Variants in TRIM2 observed in about 807,000 individuals in gnomAD.
TRIM2 encodes tripartite motif containing 2.
TRIM2 carries 20 observed loss-of-function variants against 75.2 expected under a neutral mutation model. The observed-to-expected ratio is 0.27, with a 90% CI of 0.19 to 0.39. TRIM2 has a LOEUF of 0.39. TRIM2 is among the 10% of genes least tolerant of loss of function. The pLI, the probability that TRIM2 is intolerant of heterozygous loss-of-function variation, is 1.00. For missense variants in TRIM2, 660 were observed against 990.8 expected (o/e 0.67, Z 4.48); for synonymous variants, 373 against 388.3 (o/e 0.96, Z 0.46).
intron 1 of TRIM2, among the ~76,000 whole-genome samples, chr4:153,218,177 A>G (rs1739004096): frequency 6.6e-6 from 1 of 152,188 alleles, no homozygotes; most frequent in Non-Finnish European, 1.5e-5. Context: ...AGCATATTGT[A>G]TGTCTGGCAA....
intron 1 of TRIM2, among the ~76,000 whole-genome samples, chr4:153,209,422 A>G (rs1378409861): frequency 6.6e-6 from 1 of 152,144 alleles, no homozygotes; most frequent in Non-Finnish European, 1.5e-5. Flanking sequence ...AGATATGCAT[A>G]GTCTCACCTC....
At chr4:153,273,053 G>T (rs1757108652) in intron 2 of TRIM2, among the ~76,000 whole-genome samples, 1 of 151,696 alleles carries the variant, frequency 6.6e-6, no homozygotes, top group African/African-American at 2.4e-5. Flanking sequence ...TGGCCAGGAT[G>T]GTCTCGATCT....
At chr4:153,234,202 C>G (rs1354038037) in intron 1 of TRIM2, among the ~76,000 whole-genome samples, 3 of 152,152 alleles carry the variant, frequency 2.0e-5, no homozygotes, top group Non-Finnish European at 4.4e-5. Flanking sequence ...GAATTCTCAT[C>G]ATTTTATGCT....
At chr4:153,217,167 T>C (rs568597773) in intron 1 of TRIM2, among the ~76,000 whole-genome samples, 85 of 152,350 alleles carry the variant, frequency 5.6e-4, no homozygotes, top group African/African-American at 2.0e-3. Flanking sequence ...TTGGGGTTTC[T>C]GCTAATTGAA....
At chr4:153,154,636 T>C (rs1729054252) in intron 1 of TRIM2, among the ~76,000 whole-genome samples, 1 of 152,168 alleles carries the variant, frequency 6.6e-6, no homozygotes, top group African/African-American at 2.4e-5. Context: ...GACTACAAAG[T>C]GGAAAAATTA....
chr4:153,162,865 C>T (rs1729876942), intron 1 of TRIM2, among the ~76,000 whole-genome samples: 1 of 152,056 alleles, frequency 6.6e-6, no homozygotes, highest in Admixed American at 6.5e-5. Flanking sequence ...CTCATGTGGC[C>T]ACTTGTGTCC....
At chr4:153,190,446 G>A (rs977113339) in intron 1 of TRIM2, among the ~76,000 whole-genome samples, 3 of 152,210 alleles carry the variant, frequency 2.0e-5, no homozygotes, top group African/African-American at 7.2e-5. Context: ...TTCTTCACAG[G>A]ACTTAGGGGA....
intron 8 of TRIM2, among the ~76,000 whole-genome samples, chr4:153,317,476 G>A (rs977662219): frequency 2.0e-5 from 3 of 150,778 alleles, no homozygotes; most frequent in African/African-American, 4.9e-5. Flanking sequence ...GTGAAACCCC[G>A]TCTCTACTAA....
chr4:153,170,013 C>A (rs573976184), intron 1 of TRIM2, among the ~76,000 whole-genome samples: 3 of 152,268 alleles, frequency 2.0e-5, no homozygotes, highest in Non-Finnish European at 2.9e-5. Context: ...GTATTCATGG[C>A]GCCTGCAGCT....
chr4:153,329,997 A>G (rs961969097), intron 11 of TRIM2, among the ~76,000 whole-genome samples: 7 of 152,166 alleles, frequency 4.6e-5, no homozygotes, highest in African/African-American at 1.7e-4. Flanking sequence ...ACTAATATTA[A>G]TACATGTTCT....
chr4:153,191,374 C>T (rs146442287), intron 1 of TRIM2, among the ~76,000 whole-genome samples: 1 of 152,240 alleles, frequency 6.6e-6, no homozygotes, highest in Non-Finnish European at 1.5e-5. Flanking sequence ...ACAAACACGG[C>T]CTTGGGGGCC....
At chr4:153,244,252 T>A (rs1288858520) in intron 1 of TRIM2, among the ~76,000 whole-genome samples, 1 of 45,852 alleles carries the variant, frequency 2.2e-5, no homozygotes, top group African/African-American at 7.4e-5. Flanking sequence ...CTTCCTCTTC[T>A]TTCCTCCTCC....
intron 3 of TRIM2, 25 bp from the exon 4 acceptor site, chr4:153,292,957 G>C (rs751637926): frequency 6.3e-7 from 1 of 1,581,898 alleles, no homozygotes; most frequent in Non-Finnish European, 8.6e-7. Context: ...CCCAGAACCA[G>C]GAACTTTTCT....
chr4:153,237,545 T>C (rs551014426), intron 1 of TRIM2, among the ~76,000 whole-genome samples: 1 of 152,164 alleles, frequency 6.6e-6, no homozygotes, highest in East Asian at 1.9e-4. Flanking sequence ...CCGAGGGTGG[T>C]GGCAGGCACC....
At chr4:153,311,683 CT>C (rs140854085) in intron 6 of TRIM2, among the ~76,000 whole-genome samples, 50,503 of 149,892 alleles carry the variant, frequency 0.34, 9,204 homozygotes, top group Middle Eastern at 0.43. Context: ...GTTAATTGGT[CT>C]TCATTTCCTC....
chr4:153,278,672 C>T (rs1758554900), intron 3 of TRIM2, among the ~76,000 whole-genome samples: 1 of 152,064 alleles, frequency 6.6e-6, no homozygotes, highest in Non-Finnish European at 1.5e-5. Context: ...GATGGGGCTG[C>T]ACCTGTAGTC....
intron 1 of TRIM2, among the ~76,000 whole-genome samples, chr4:153,227,400 CT>C (rs1271462449): frequency 6.6e-6 from 1 of 152,196 alleles, no homozygotes; most frequent in Non-Finnish European, 1.5e-5. Flanking sequence ...TAGGCTTGAG[CT>C]TTGCCTTAAT....
chr4:153,194,443 C>G (rs1733558536), intron 1 of TRIM2, among the ~76,000 whole-genome samples: 1 of 151,816 alleles, frequency 6.6e-6, no homozygotes, highest in Non-Finnish European at 1.5e-5. Flanking sequence ...ATGGATCAAC[C>G]TCAAAATGAT....
intron 1 of TRIM2, among the ~76,000 whole-genome samples, chr4:153,219,607 G>T (rs768024484): frequency 6.6e-6 from 1 of 152,122 alleles, no homozygotes; most frequent in African/African-American, 2.4e-5. Flanking sequence ...GGTAGCTTAC[G>T]CCTGTAACTC....
Sources: allele counts gnomAD v4.1 joint callset (sites outside exome capture counted in the v4.1 genomes callset), GRCh38; gene constraint gnomAD v4.1.1; transcripts MANE v1.5; gene names NCBI Gene and HGNC (gene_info 2026-07-23, HGNC 2026-07-21).